The following LINGO2 variants were observed in gnomAD, a reference collection of about 807,000 sequenced individuals.
LINGO2 encodes leucine-rich repeat and immunoglobulin-like domain-containing nogo receptor-interacting protein 2.
In LINGO2, 14 loss-of-function variants were observed where a neutral mutation model predicts 30.6. That is an observed-to-expected ratio of 0.46 (90% CI 0.30 to 0.72). The LOEUF is 0.72. Among genes scored for constraint, LINGO2 ranks in the 30% least tolerant of loss-of-function variants. The probability of loss-of-function intolerance (pLI) is 0.07; values close to 1 mark genes in which losing one functional copy is unlikely to be tolerated. For synonymous variants in LINGO2, 317 were observed against 288.5 expected (o/e 1.10, Z -1.00); for missense variants, 729 against 751.7 (o/e 0.97, Z 0.35).
chr9:29,160,185 G>A, the LINGO2 span, among the ~76,000 whole-genome samples: 1 of 152,166 alleles, frequency 6.6e-6, no homozygotes, highest in African/African-American at 2.4e-5. Context: ...TTTCAAACAA[G>A]TTTCCAGATC....
rs113735835 is a variant in LINGO2, at chr9:28,243,795, A to G, written c.-87+51413T>C. Among the ~76,000 whole-genome samples, 959 of 152,264 alleles carry G rather than the reference A, an allele frequency of 6.3e-3. 12 individuals carry two copies. The highest frequency in any genetic ancestry group is 0.022 in the African/African-American group (913 of 41,552). The stretch of plus-strand genomic sequence containing the variant: ...AGCTGACTATCCTAAATATATATGC[A>G]CCCAATACAAGAGCACCCAGATTCA... On this transcript the variant is annotated intron_variant, in intron 4 of 5. Coordinates refer to ENST00000379992, the Ensembl canonical transcript of LINGO2.
the LINGO2 span, among the ~76,000 whole-genome samples, chr9:29,123,653 A>T: frequency 6.6e-6 from 1 of 152,122 alleles, no homozygotes; most frequent in Non-Finnish European, 1.5e-5. Context: ...AGACATAAGA[A>T]GAATGTAAAA....
the LINGO2 span, among the ~76,000 whole-genome samples, chr9:28,878,792 T>A: frequency 6.6e-6 from 1 of 152,146 alleles, no homozygotes; most frequent in African/African-American, 2.4e-5. Flanking sequence ...TCAACAACCC[T>A]TCATGCTAAA....
intron 4 of LINGO2, among the ~76,000 whole-genome samples, chr9:28,012,686 T>C (rs1466817897): frequency 6.6e-6 from 1 of 152,070 alleles, no homozygotes; most frequent in Non-Finnish European, 1.5e-5. Flanking sequence ...TCATCCATCA[T>C]CAGTTATTTC....
chr9:28,391,377 A>C (rs1821822497), intron 2 of LINGO2, among the ~76,000 whole-genome samples: 1 of 152,180 alleles, frequency 6.6e-6, no homozygotes, highest in Non-Finnish European at 1.5e-5. Flanking sequence ...CTTAGTTATA[A>C]ATCACCTTAT....
chr9:28,701,945 T>A, the LINGO2 span, among the ~76,000 whole-genome samples: 17 of 152,064 alleles, frequency 1.1e-4, no homozygotes, highest in African/African-American at 4.1e-4. Flanking sequence ...TTAATGCTGA[T>A]ATATGGGAAA....
At chr9:28,408,527 A>G (rs1822604910) in intron 2 of LINGO2, among the ~76,000 whole-genome samples, 2 of 151,584 alleles carry the variant, frequency 1.3e-5, no homozygotes, top group Non-Finnish European at 2.9e-5. Context: ...AGGACAAAAA[A>G]CCAAACACTG....
At chr9:28,908,056 G>A in the LINGO2 span, among the ~76,000 whole-genome samples, 3 of 151,538 alleles carry the variant, frequency 2.0e-5, no homozygotes, top group Non-Finnish European at 4.4e-5. Context: ...TATAATTCTG[G>A]CTTAAATGTT....
chr9:28,530,515 G>C (rs1358252408), intron 1 of LINGO2, among the ~76,000 whole-genome samples: 1 of 152,136 alleles, frequency 6.6e-6, no homozygotes, highest in Non-Finnish European at 1.5e-5. Flanking sequence ...CCATGCACAG[G>C]TTGACCTAAT....
intron 4 of LINGO2, among the ~76,000 whole-genome samples, chr9:28,186,263 G>T (rs950414043): frequency 6.6e-6 from 1 of 152,112 alleles, no homozygotes; most frequent in African/African-American, 2.4e-5. Flanking sequence ...ATTGCATGTA[G>T]GAAAATTTCT....
At chr9:27,953,110 T>G (rs554761691) in intron 5 of LINGO2, among the ~76,000 whole-genome samples, 18 of 152,116 alleles carry the variant, frequency 1.2e-4, no homozygotes, top group Non-Finnish European at 2.4e-4. Context: ...GGGTATGTAG[T>G]TTTTGCCTGT....
At chr9:28,900,400 G>T in the LINGO2 span, among the ~76,000 whole-genome samples, 1,030 of 152,162 alleles carry the variant, frequency 6.8e-3, 9 homozygotes, top group Non-Finnish European at 0.01. Context: ...AGTACCCACA[G>T]AAGTTCCTGT....
the LINGO2 span, among the ~76,000 whole-genome samples, chr9:29,188,608 C>A: frequency 6.6e-6 from 1 of 152,154 alleles, no homozygotes; most frequent in African/African-American, 2.4e-5. Context: ...CAGACCGGGT[C>A]GTGGCCGGGC....
intron 1 of LINGO2, among the ~76,000 whole-genome samples, chr9:28,556,399 G>T (rs1450719862): frequency 1.3e-5 from 2 of 151,982 alleles, no homozygotes; most frequent in South Asian, 4.1e-4. Flanking sequence ...ACTCACAATT[G>T]CTTCAAAGAG....
chr9:28,629,553 T>C (rs2135867707), intron 1 of LINGO2, among the ~76,000 whole-genome samples: 1 of 152,086 alleles, frequency 6.6e-6, no homozygotes, highest in East Asian at 1.9e-4. Flanking sequence ...TATGTTATTT[T>C]CATTTATAGC....
the LINGO2 span, among the ~76,000 whole-genome samples, chr9:28,797,392 A>AGAGAGAGG: frequency 1.4e-5 from 2 of 146,100 alleles, no homozygotes; most frequent in Non-Finnish European, 3.0e-5. Flanking sequence ...AGAGAGAGAG[A>AGAGAGAGG]GAGAAAGCCT....
chr9:28,861,234 AATAT>A, the LINGO2 span, among the ~76,000 whole-genome samples: 1 of 112,886 alleles, frequency 8.9e-6, no homozygotes, highest in East Asian at 2.2e-4. Flanking sequence ...ATAAATATAT[AATAT>A]ATATTTTTTA....
chr9:29,122,866 T>C, the LINGO2 span, among the ~76,000 whole-genome samples: 6 of 152,126 alleles, frequency 3.9e-5, no homozygotes, highest in Non-Finnish European at 7.4e-5. Flanking sequence ...GGCAGTAATT[T>C]TGTGTCATGT....
the LINGO2 span, among the ~76,000 whole-genome samples, chr9:29,084,265 A>C: frequency 6.6e-6 from 1 of 152,098 alleles, no homozygotes; most frequent in East Asian, 1.9e-4. Flanking sequence ...TCTTTGGGAG[A>C]AATTGGACAA....
Sources: gnomAD v4.1 joint callset for allele counts (sites outside exome capture counted in the v4.1 genomes callset) on GRCh38, gnomAD v4.1.1 for gene constraint, MANE v1.5 for transcripts, NCBI Gene and HGNC (gene_info 2026-07-23, HGNC 2026-07-21) for gene names.